Variants in KALRN observed in about 807,000 individuals in gnomAD.
The protein encoded by KALRN is kalirin RhoGEF kinase.
A neutral mutation model predicts 353.7 loss-of-function variants in KALRN; 70 were observed. The ratio of observed to expected loss-of-function variants is 0.20; its 90% CI spans 0.16 to 0.24. KALRN has a LOEUF of 0.24. KALRN is among the 10% of genes least tolerant of loss of function. The pLI, the probability that KALRN is intolerant of heterozygous loss-of-function variation, is 1.00. For missense variants in KALRN, 2,791 were observed against 3,756.7 expected, an observed-to-expected ratio of 0.74 and a Z score of 6.72; for synonymous variants, 1,391 against 1,434.8, an observed-to-expected ratio of 0.97 and a Z score of 0.69.
chr3:124,694,946 G>A (rs898823124), intron 53 of KALRN, among the ~76,000 whole-genome samples: 1 of 152,202 alleles, frequency 6.6e-6, no homozygotes, highest in African/African-American at 2.4e-5. Context: ...TTTCCCTACA[G>A]ATCCCCAAGT....
At chr3:124,589,378 G>A (rs766565634) in intron 34 of KALRN, among the ~76,000 whole-genome samples, 6 of 152,234 alleles carry the variant, frequency 3.9e-5, no homozygotes, top group South Asian at 2.1e-4. Flanking sequence ...GGAGGACTGT[G>A]TGAGCCCAGG....
chr3:124,687,546 G>C (rs1006077092), intron 51 of KALRN, among the ~76,000 whole-genome samples: 1 of 151,920 alleles, frequency 6.6e-6, no homozygotes, highest in Admixed American at 6.6e-5. Context: ...ATATTGAGGG[G>C]TAAAGGGGGA....
At chr3:124,241,786 G>A (rs1190369052) in intron 3 of KALRN, among the ~76,000 whole-genome samples, 1 of 152,196 alleles carries the variant, frequency 6.6e-6, no homozygotes, top group Non-Finnish European at 1.5e-5. Context: ...GGAACATACA[G>A]CCTCGCTGTT....
At chr3:124,264,314 T>A (rs1034534818) in intron 3 of KALRN, among the ~76,000 whole-genome samples, 184 bp from the exon 4 acceptor site, 1 of 152,238 alleles carries the variant, frequency 6.6e-6, no homozygotes, top group Non-Finnish European at 1.5e-5. Flanking sequence ...ATTGGTCAGA[T>A]GTAGAAAGGG....
At chr3:124,527,467 G>C (rs2067685009) in intron 33 of KALRN, among the ~76,000 whole-genome samples, 1 of 151,998 alleles carries the variant, frequency 6.6e-6, no homozygotes, top group Non-Finnish European at 1.5e-5. Flanking sequence ...AAATTAGCCA[G>C]ATGTGGTGGC....
chr3:124,692,088 A>C (rs929692994), intron 51 of KALRN, among the ~76,000 whole-genome samples: 1 of 152,212 alleles, frequency 6.6e-6, no homozygotes, highest in African/African-American at 2.4e-5. Flanking sequence ...TAGAGAGTTA[A>C]AAAAAATCCC....
At chr3:124,229,074 CA>C (rs1278507871) in intron 2 of KALRN, among the ~76,000 whole-genome samples, 1 of 151,482 alleles carries the variant, frequency 6.6e-6, no homozygotes, top group Non-Finnish European at 1.5e-5. Context: ...ATCATATTTG[CA>C]AAGTCTTTGC....
intron 5 of KALRN, among the ~76,000 whole-genome samples, chr3:124,286,082 C>CCTTCCTTCCTTCCTTTCTTTCTTTCTTT (rs1553893895): frequency 2.0e-5 from 2 of 102,156 alleles, no homozygotes; most frequent in African/African-American, 3.8e-5. Context: ...TTCTTTCCTT[C>CCTTCCTTCCTTCCTTTCTTTCTTTCTTT]CTTTCTTTCT....
intron 3 of KALRN, among the ~76,000 whole-genome samples, chr3:124,259,687 C>G (rs2072563993): frequency 6.6e-6 from 1 of 152,144 alleles, no homozygotes; most frequent in Non-Finnish European, 1.5e-5. Flanking sequence ...ACTGAACATT[C>G]AACAGTGAAA....
chr3:124,059,559 C>T (rs1559885986), intron 1 of KALRN, among the ~76,000 whole-genome samples: 1 of 152,186 alleles, frequency 6.6e-6, no homozygotes, highest in African/African-American at 2.4e-5. Context: ...TTCTCAATCT[C>T]CCCAAGAAAA....
chr3:124,595,049 C>G (rs7614499), intron 34 of KALRN, among the ~76,000 whole-genome samples: 16,904 of 151,300 alleles, frequency 0.11, 2,126 homozygotes, highest in East Asian at 0.43. Flanking sequence ...AGGAAGAGAA[C>G]CTTGATTTTT....
chr3:124,173,175 A>G (rs182324789), intron 1 of KALRN, among the ~76,000 whole-genome samples: 38 of 152,342 alleles, frequency 2.5e-4, no homozygotes, highest in African/African-American at 8.7e-4. Flanking sequence ...TATGGTTAAT[A>G]TATGGAGAAT....
At chr3:124,488,971 T>A (rs1241822486) in intron 29 of KALRN, 1 of 152,186 alleles carries the variant, frequency 6.6e-6, no homozygotes, top group African/African-American at 2.4e-5. Context: ...AGAGTAAGAT[T>A]CCAATAAAGT....
intron 1 of KALRN, among the ~76,000 whole-genome samples, chr3:124,178,974 G>A (rs1457314441): frequency 1.3e-5 from 2 of 152,022 alleles, no homozygotes; most frequent in African/African-American, 4.8e-5. Flanking sequence ...GGGTATGGGG[G>A]CACACACCTG....
chr3:124,607,613 C>T (rs1578305159), intron 34 of KALRN, among the ~76,000 whole-genome samples: 1 of 152,180 alleles, frequency 6.6e-6, no homozygotes, highest in East Asian at 1.9e-4. Context: ...ACCCTATAAT[C>T]CTAGAGACCT....
At chr3:124,513,133 G>A (rs1463581887) in intron 33 of KALRN, among the ~76,000 whole-genome samples, 1 of 152,142 alleles carries the variant, frequency 6.6e-6, no homozygotes, top group Non-Finnish European at 1.5e-5. Context: ...TGGTTGTGAA[G>A]GTCAGGAGCC....
intron 33 of KALRN, among the ~76,000 whole-genome samples, chr3:124,520,906 G>C (rs138935541): frequency 2.3e-3 from 352 of 152,328 alleles, no homozygotes; most frequent in Non-Finnish European, 3.6e-3. Context: ...CTCACAGCCA[G>C]AACATAGCAG....
At chr3:124,203,617 T>A (rs1199037919) in intron 1 of KALRN, among the ~76,000 whole-genome samples, 1 of 152,106 alleles carries the variant, frequency 6.6e-6, no homozygotes, top group East Asian at 1.9e-4. Context: ...AGCCGAGTGA[T>A]AAAGAAAAAT....
intron 35 of KALRN, 29 bp downstream of exon 35, chr3:124,632,732 A>T: frequency 6.3e-7 from 1 of 1,599,254 alleles, no homozygotes; most frequent in Non-Finnish European, 8.5e-7. Context: ...GGAGTTGTCC[A>T]TCAGGAGGGC....
Sources: allele counts gnomAD v4.1 joint callset (sites outside exome capture counted in the v4.1 genomes callset), GRCh38; gene constraint gnomAD v4.1.1; transcripts MANE v1.5; gene names NCBI Gene and HGNC (gene_info 2026-07-23, HGNC 2026-07-21).